The following HPGD variants were observed in gnomAD, a reference collection of about 807,000 sequenced individuals.
The protein encoded by HPGD is 15-hydroxyprostaglandin dehydrogenase.
In HPGD, 29 loss-of-function variants were observed where a neutral mutation model predicts 30.0. That is an observed-to-expected ratio of 0.97 (90% CI 0.72 to 1.32). The LOEUF is 1.32. Ranked by LOEUF, HPGD falls within the 40% of genes most tolerant of loss-of-function variation. HPGD has a pLI of 0.00. For missense variants in HPGD, 340 were observed against 322.1 expected (o/e 1.06, Z -0.43); for synonymous variants, 99 against 112.4 (o/e 0.88, Z 0.75).
At chr4:174,502,529 T>A (rs1389218326) in intron 4 of HPGD, among the ~76,000 whole-genome samples, 17 of 151,816 alleles carry the variant, frequency 1.1e-4, no homozygotes. Context: ...ATACAAAAAA[T>A]TAGCCAGGCG....
chr4:174,512,207 G>A (rs75726631), intron 3 of HPGD, among the ~76,000 whole-genome samples: 1 of 152,172 alleles, frequency 6.6e-6, no homozygotes, highest in African/African-American at 2.4e-5. Flanking sequence ...ATACTCTCAT[G>A]TATGCAAAAT....
intron 3 of HPGD, among the ~76,000 whole-genome samples, chr4:174,513,460 A>ATTT (rs369816777): frequency 2.7e-5 from 4 of 147,476 alleles, no homozygotes; most frequent in Non-Finnish European, 4.5e-5. Flanking sequence ...TAAAATGCAT[A>ATTT]TTTTTTTTTT....
intron 3 of HPGD, among the ~76,000 whole-genome samples, chr4:174,512,296 T>G (rs1023523942): frequency 1.3e-5 from 2 of 152,194 alleles, no homozygotes; most frequent in Admixed American, 1.3e-4. Context: ...GTTTTCTGCC[T>G]TGAAAGAACT....
chr4:174,509,968 T>C (rs900755571), intron 3 of HPGD, among the ~76,000 whole-genome samples: 15 of 152,130 alleles, frequency 9.9e-5, no homozygotes, highest in Admixed American at 9.8e-4. Flanking sequence ...CAAACCTTAC[T>C]TTTCCTTTTG....
intron 4 of HPGD, among the ~76,000 whole-genome samples, chr4:174,505,948 C>A (rs1160386567): frequency 1.3e-5 from 2 of 152,136 alleles, no homozygotes; most frequent in Non-Finnish European, 2.9e-5. Flanking sequence ...TAAATTGTAC[C>A]AGTGCCAGGA....
rs542884307 is a variant in HPGD, at chr4:174,491,825, G to A, written c.*131C>T. ...ATACTTAACTAAAAATTTAGAAAAC[G>A]TTTATCACCAAGTGCATGAAGGAAA... On this transcript the variant is annotated 3_prime_UTR_variant, in exon 7 of 7. Coordinates refer to ENST00000296522, the MANE Select transcript of HPGD (RefSeq NM_000860.6). The A allele has an allele frequency of 7.9e-5, 66 of 831,512 alleles. No individual in the cohort carries two copies. The highest frequency in any genetic ancestry group is 6.9e-4 in the South Asian group (46 of 67,074). The allele number at this position is 831,512 out of a possible 1,614,324, so 51.5% of individuals were successfully genotyped here.
chr4:174,497,313 C>A (rs1024345711), intron 4 of HPGD, among the ~76,000 whole-genome samples: 1 of 152,044 alleles, frequency 6.6e-6, no homozygotes, highest in African/African-American at 2.4e-5. Context: ...ACTTTGGAAC[C>A]CCAGCTAGTT....
upstream of HPGD, chr4:174,522,566 G>C: frequency 1.5e-6 from 1 of 673,462 alleles, no homozygotes; most frequent in Non-Finnish European, 2.3e-6. Flanking sequence ...TCCCCTGCCA[G>C]TGGGCGGGGA....
intron 3 of HPGD, among the ~76,000 whole-genome samples, chr4:174,511,678 G>T (rs573241841): frequency 6.6e-6 from 1 of 151,834 alleles, no homozygotes; most frequent in Admixed American, 6.6e-5. Flanking sequence ...ACAGAGTCTC[G>T]CTCTGTCGCC....
intron 4 of HPGD, among the ~76,000 whole-genome samples, chr4:174,504,697 C>T (rs2110816878): frequency 6.6e-6 from 1 of 151,668 alleles, no homozygotes; most frequent in South Asian, 2.1e-4. Flanking sequence ...CCTGTAATCC[C>T]AGCTACTGGG....
chr4:174,490,425 A>C lies in HPGD; in HGVS notation c.*1531T>G, dbSNP rs1366839775. 6.6e-6 allele frequency: 1 copy of C among 152,374 alleles called. No homozygotes were observed. Among genetic ancestry groups the C allele is most frequent in the Non-Finnish European group, 1.5e-5 (1 of 68,052 alleles). The allele number at this position is 152,374 out of a possible 1,614,324, so 9.4% of individuals were successfully genotyped here. On this transcript the variant is annotated 3_prime_UTR_variant, in exon 7 of 7. Transcript: ENST00000296522. The surrounding 1 kb of genome is among the most constrained non-coding windows in gnomAD (Gnocchi z 4.4). ...GCTACTAGTCCAAAAAATTGTCCAT[A>C]AATGAAAAGGTTATACTATTTACAC...
chr4:174,521,862 A>G, intron 2 of HPGD, 82 bp downstream of exon 2: 2 of 1,553,110 alleles, frequency 1.3e-6, no homozygotes, highest in Non-Finnish European at 1.8e-6. Flanking sequence ...GGCGGCACCC[A>G]GGGCCCCCTG....
intron 4 of HPGD, chr4:174,507,029 A>C (rs1735225001): frequency 1.3e-5 from 2 of 152,162 alleles, no homozygotes; most frequent in Non-Finnish European, 2.9e-5. Context: ...GAAAATACTA[A>C]ATATCTCTTT....
intron 4 of HPGD, among the ~76,000 whole-genome samples, chr4:174,500,311 G>T (rs1038461881): frequency 6.6e-6 from 1 of 152,180 alleles, no homozygotes; most frequent in Non-Finnish European, 1.5e-5. Context: ...TTGCTGGTGC[G>T]AATGCAAAAT....
At chr4:174,510,913 T>G (rs1735457273) in intron 3 of HPGD, among the ~76,000 whole-genome samples, 1 of 152,148 alleles carries the variant, frequency 6.6e-6, no homozygotes, top group Admixed American at 6.5e-5. Flanking sequence ...AGTGCTGGGA[T>G]TACAGGCCTG....
chr4:174,520,077 A>G (rs1216468763), intron 2 of HPGD, among the ~76,000 whole-genome samples: 3 of 152,006 alleles, frequency 2.0e-5, no homozygotes, highest in Non-Finnish European at 4.4e-5. Flanking sequence ...CTAACTCTTC[A>G]TAACTCCACA....
chr4:174,522,426 A>AGCCCTGAGCT lies in HPGD; in HGVS notation c.25_26insAGCTCAGGGC (p.Leu9GlnfsTer23). ...TATGCCCTGAGCCGCGCCGGTCACC[A>AGCCCTGAGCT]GCGCCACTTTGCCGTTCACGTGCAT... On this transcript the variant is annotated frameshift_variant, in exon 1 of 7. Coordinates refer to ENST00000296522, the MANE Select transcript of HPGD (RefSeq NM_000860.6). LOFTEE classifies it high-confidence loss of function. 6.3e-7 allele frequency: 1 copy of AGCCCTGAGCT among 1,583,402 alleles called. No homozygotes were observed.
intron 4 of HPGD, among the ~76,000 whole-genome samples, chr4:174,502,055 T>A (rs1244178585): frequency 2.6e-5 from 4 of 152,316 alleles, no homozygotes. Context: ...AATCTAAGGA[T>A]GCTGATACTC....
At chr4:174,522,252 G>C (rs1002655463) in intron 1 of HPGD, 107 bp downstream of exon 1, 5 of 1,364,140 alleles carry the variant, frequency 3.7e-6, no homozygotes, top group Non-Finnish European at 4.1e-6. Flanking sequence ...TGGCAAAGTG[G>C]GCACGCCGGG....
Sources: gnomAD v4.1 joint callset for allele counts (sites outside exome capture counted in the v4.1 genomes callset) on GRCh38, gnomAD v4.1.1 for gene constraint, Gnocchi (gnomAD v3.1) non-coding constraint, MANE v1.5 for transcripts, NCBI Gene and HGNC (gene_info 2026-07-23, HGNC 2026-07-21) for gene names.